The following ACTL6A variants were observed in gnomAD, a reference collection of about 807,000 sequenced individuals.
ACTL6A encodes the protein actin like 6A.
ACTL6A carries 5 observed loss-of-function variants against 59.2 expected under a neutral mutation model. The observed-to-expected ratio is 0.08, with a 90% confidence interval of 0.04 to 0.18. The LOEUF (loss-of-function observed/expected upper bound fraction) is 0.18. ACTL6A is among the 10% of genes least tolerant of loss of function. ACTL6A has a pLI of 1.00. For synonymous variants in ACTL6A, 154 were observed against 171.8 expected (o/e 0.90, Z 0.81); for missense variants, 285 against 526.9 (o/e 0.54, Z 4.49).
intron 12 of ACTL6A, 158 bp from the exon 13 acceptor site, chr3:179,586,388 G>C: frequency 2.0e-6 from 1 of 506,034 alleles, no homozygotes; most frequent in Non-Finnish European, 3.3e-6. Context: ...ACTTTGGGAG[G>C]CTGAGATGGG....
intron 4 of ACTL6A, 35 bp downstream of exon 4, chr3:179,573,504 G>A: frequency 8.0e-7 from 1 of 1,243,740 alleles, no homozygotes; most frequent in Non-Finnish European, 1.1e-6. Context: ...CGTTTCTCTA[G>A]TTGTTTTTTT....
chr3:179,571,009 A>G (rs4855091), intron 3 of ACTL6A, among the ~76,000 whole-genome samples: 13,765 of 152,224 alleles, frequency 0.09, 672 homozygotes, highest in South Asian at 0.17. Context: ...AGGGAGTGAA[A>G]GCAAGAGAGA....
intron 4 of ACTL6A, among the ~76,000 whole-genome samples, chr3:179,574,052 A>G (rs1718094218): frequency 6.6e-6 from 1 of 152,148 alleles, no homozygotes; most frequent in African/African-American, 2.4e-5. Context: ...TTGGATTACC[A>G]TATTTACTCT....
At chr3:179,586,963 AGTTCT>A (rs1718514539) in intron 13 of ACTL6A, among the ~76,000 whole-genome samples, 1 of 152,128 alleles carries the variant, frequency 6.6e-6, no homozygotes, top group Middle Eastern at 3.2e-3. Context: ...TTGCTTCTCA[AGTTCT>A]GGTCATTCCC....
chr3:179,563,406 C>T (rs1246040629), intron 1 of ACTL6A, among the ~76,000 whole-genome samples: 1 of 152,206 alleles, frequency 6.6e-6, no homozygotes, highest in Non-Finnish European at 1.5e-5. Flanking sequence ...AGCCTCGGGG[C>T]TGGGCGGGAG....
At chr3:179,585,193 C>T (rs1718448976) in intron 12 of ACTL6A, among the ~76,000 whole-genome samples, 1 of 152,178 alleles carries the variant, frequency 6.6e-6, no homozygotes, top group Non-Finnish European at 1.5e-5. Flanking sequence ...ACCTCCGCCT[C>T]CTGGGTTCAA....
chr3:179,586,382 T>C (rs542219219), intron 12 of ACTL6A, 164 bp from the exon 13 acceptor site: 6 of 494,614 alleles, frequency 1.2e-5, no homozygotes, highest in African/African-American at 1.0e-4. Context: ...CCCAGCACTT[T>C]GGGAGGCTGA....
intron 1 of ACTL6A, among the ~76,000 whole-genome samples, chr3:179,566,678 T>TTTGTTGTTG (rs376454101): frequency 3.3e-5 from 5 of 151,892 alleles, no homozygotes; most frequent in African/African-American, 1.2e-4. Flanking sequence ...ATTTTCTCTT[T>TTTGTTGTTG]TTGTTGTTGT....
intron 3 of ACTL6A, among the ~76,000 whole-genome samples, chr3:179,571,808 G>A (rs1192755579): frequency 6.6e-6 from 1 of 151,672 alleles, no homozygotes; most frequent in Admixed American, 6.6e-5. Flanking sequence ...CAGAAGGAAA[G>A]CAAGTGTTCA....
At chr3:179,563,283 C>T in intron 1 of ACTL6A, 166 bp downstream of exon 1, 2 of 1,213,492 alleles carry the variant, frequency 1.6e-6, no homozygotes, top group Non-Finnish European at 2.2e-6. Context: ...CCCCGGAGCC[C>T]ACCCGGCTCG....
At chr3:179,586,668 C>G (rs902259262) in intron 13 of ACTL6A, 36 bp downstream of exon 13, 4 of 1,460,546 alleles carry the variant, frequency 2.7e-6, no homozygotes, top group Non-Finnish European at 3.8e-6. Flanking sequence ...AATATTCTTA[C>G]TGAATTATAC....
chr3:179,564,738 G>C (rs778271079), intron 1 of ACTL6A, among the ~76,000 whole-genome samples: 7 of 152,180 alleles, frequency 4.6e-5, no homozygotes, highest in Non-Finnish European at 1.0e-4. Context: ...AATGTTTTTT[G>C]AGTACTTGCT....
At chr3:179,586,842 T>C (rs747371642) in intron 13 of ACTL6A, 6 of 514,830 alleles carry the variant, frequency 1.2e-5, no homozygotes, top group African/African-American at 2.0e-5. Context: ...CTAATTTCAA[T>C]GTCCCCTCTC....
chr3:179,563,412 G>T (rs1717730998), intron 1 of ACTL6A, among the ~76,000 whole-genome samples: 1 of 152,344 alleles, frequency 6.6e-6, no homozygotes, highest in African/African-American at 2.4e-5. Flanking sequence ...GGGGCTGGGC[G>T]GGAGGCTCAG....
At chr3:179,563,852 T>C (rs1717748480) in intron 1 of ACTL6A, among the ~76,000 whole-genome samples, 1 of 152,148 alleles carries the variant, frequency 6.6e-6, no homozygotes, top group Non-Finnish European at 1.5e-5. Context: ...TAGACTGTGG[T>C]GTGGTAGGAA....
chr3:179,581,690 T>C (rs1431869621), intron 11 of ACTL6A, among the ~76,000 whole-genome samples: 2 of 152,234 alleles, frequency 1.3e-5, no homozygotes, highest in African/African-American at 4.8e-5. Context: ...TTAAATTATA[T>C]GAGTAACTTT....
Position 179,568,336 on chromosome 3 carries a change from A to C in ACTL6A, c.26-1488A>C, listed in dbSNP as rs1576848693. Among the ~76,000 whole-genome samples the C allele has an allele frequency of 2.0e-5, 3 of 152,288 alleles. 1 individual carries two copies. The Middle Eastern group carries it at 0.01, about 518-fold the overall frequency. ...TGTGATATTACTGTAATCACCTGTA[A>C]GTTTGTATGTAATACAATACTGCAT... On this transcript the variant is annotated intron_variant, in intron 1 of 13. Coordinates refer to ENST00000429709, the MANE Select transcript of ACTL6A (RefSeq NM_004301.5).
chr3:179,580,913 A>G lies in ACTL6A; in HGVS notation c.850A>G (p.Thr284Ala), dbSNP rs1305307940. Residue 284 changes from threonine to alanine, a missense_variant, in exon 10 of 14, where the codon ACT (threonine) becomes GCT (alanine). Physicochemically the swap from Thr to Ala is moderately conservative, Grantham distance 58 (BLOSUM62 0). Coordinates refer to ENST00000429709, the MANE Select transcript of ACTL6A (RefSeq NM_004301.5). ...YDEQVAAQMP[T>A]VHYEFPNGYN... is the part of the protein sequence containing the mutation. ...TTTCAGAGTGGCTGCACAGATGCCA[A>G]CTGTTCATTATGAATTCCCCAATGG... The G allele has an allele frequency of 1.9e-6, 3 of 1,587,066 alleles. No individual in the cohort carries two copies. Among genetic ancestry groups the G allele is most frequent in the South Asian group, 1.2e-5 (1 of 84,838 alleles).
intron 8 of ACTL6A, among the ~76,000 whole-genome samples, chr3:179,577,820 T>A (rs542944807): frequency 1.4e-4 from 21 of 152,148 alleles, no homozygotes; most frequent in Non-Finnish European, 2.4e-4. Flanking sequence ...CTCATTCTTT[T>A]TTTTTTTTTT....
Sources: gnomAD v4.1 joint callset for allele counts (sites outside exome capture counted in the v4.1 genomes callset) on GRCh38, gnomAD v4.1.1 for gene constraint, MANE v1.5 for transcripts, NCBI Gene and HGNC (gene_info 2026-07-23, HGNC 2026-07-21) for gene names.